RNF157: variants seen among roughly 807,000 people sequenced by gnomAD.
RNF157 encodes the protein E3 ubiquitin ligase RNF157.
RNF157 carries 55 observed loss-of-function variants against 88.3 expected under a neutral mutation model. That is an observed-to-expected ratio of 0.62 (90% CI 0.50 to 0.78). The LOEUF is 0.78. RNF157 is among the 30% of genes least tolerant of loss of function. RNF157 has a pLI of 0.00. For missense variants in RNF157, 788 were observed against 860.8 expected (o/e 0.92, Z 1.06); for synonymous variants, 334 against 341.2 (o/e 0.98, Z 0.23).
chr17:76,220,032 A>C (rs1202974662), intron 1 of RNF157, among the ~76,000 whole-genome samples: 1 of 152,216 alleles, frequency 6.6e-6, no homozygotes, highest in African/African-American at 2.4e-5. Flanking sequence ...CTTTACAAAC[A>C]ATGTTTCCTA....
At position 76,164,787 on chromosome 17, in the gene RNF157, A is replaced by G; in HGVS notation, c.681T>C (p.Asp227=). Residue 227 remains aspartate (D), a synonymous_variant, in exon 8 of 19, where the codon GAT becomes GAC. Coordinates refer to ENST00000269391, the MANE Select transcript of RNF157 (RefSeq NM_052916.3). ...VLLGTFEKHT[D]GTFCVKPLKQ... ...TGAGGGGCTTGACACAGAAAGTTCCATCTGTGTGCTGGAATGAAAATATGA... is the reference window on the plus strand; with the variant it reads ...TGAGGGGCTTGACACAGAAAGTTCCGTCTGTGTGCTGGAATGAAAATATGA... The G allele has an allele frequency of 6.2e-7, 1 of 1,611,056 alleles. No homozygotes were observed. The highest frequency in any genetic ancestry group is 8.5e-7 in the Non-Finnish European group (1 of 1,177,418).
intron 1 of RNF157, chr17:76,226,324 T>C (rs1193972984): frequency 1.9e-6 from 3 of 1,604,566 alleles, no homozygotes; most frequent in South Asian, 1.1e-5. Context: ...GGGGAAGAAG[T>C]TGCAAGAAGG....
At chr17:76,238,039 GCAC>G (rs1427060203) in intron 1 of RNF157, among the ~76,000 whole-genome samples, 1 of 149,118 alleles carries the variant, frequency 6.7e-6, no homozygotes, top group Non-Finnish European at 1.5e-5. Context: ...AGCCAATATT[GCAC>G]CACTTCATTC....
intron 2 of RNF157, among the ~76,000 whole-genome samples, chr17:76,178,494 C>T (rs763912756): frequency 4.6e-5 from 7 of 152,204 alleles, no homozygotes; most frequent in East Asian, 1.9e-4. Context: ...CCCTTGGAGG[C>T]GTGGGATATA....
At position 76,176,635 on chromosome 17, in the gene RNF157, C is replaced by A. The variant is rs2069106957; in HGVS notation, c.208-2845G>T. Among the ~76,000 whole-genome samples the A allele has an allele frequency of 6.6e-6, 1 of 152,166 alleles. No individual in the cohort carries two copies. The highest frequency in any genetic ancestry group is 6.5e-5 in the Admixed American group (1 of 15,292). On this transcript the variant is annotated intron_variant, in intron 2 of 18. Coordinates refer to ENST00000269391, the MANE Select transcript of RNF157 (RefSeq NM_052916.3). The surrounding 1 kb of genome is among the most constrained non-coding windows in gnomAD (Gnocchi z 4.2). The stretch of plus-strand genomic sequence containing the variant: ...GGTCGCAGGGAGCAGACAGACAGCC[C>A]CTCCACAGCTTGCCGCCCTGGAGGC...
At chr17:76,152,311 G>T in intron 18 of RNF157, 44 bp downstream of exon 18, 1 of 1,233,212 alleles carries the variant, frequency 8.1e-7, no homozygotes, top group Non-Finnish European at 1.2e-6. Flanking sequence ...AAGAGCACAG[G>T]GATCGTCTCC....
intron 2 of RNF157, among the ~76,000 whole-genome samples, chr17:76,210,509 G>C (rs1243549970): frequency 6.7e-6 from 1 of 148,224 alleles, no homozygotes; most frequent in Non-Finnish European, 1.5e-5. Flanking sequence ...AGAATGGCGT[G>C]AACCCGGGAG....
chr17:76,195,005 ACT>A lies in RNF157; in HGVS notation c.207+17357_207+17358del, dbSNP rs1272832244. Among the ~76,000 whole-genome samples the A allele has an allele frequency of 2.0e-5, 3 of 152,084 alleles. No individual in the cohort carries two copies. Among genetic ancestry groups the A allele is most frequent in the African/African-American group, 4.8e-5 (2 of 41,394 alleles). On this transcript the variant is annotated intron_variant, in intron 2 of 18. Transcript: ENST00000269391. This position sits in a 1 kb window ranked among gnomAD's most constrained non-coding sequence, Gnocchi z 4.4. ...ACTCCAGCCTGGGTGACAGAGCGAG[ACT>A]CTGTCTCAAAAAAACAAAACAAAAC...
At chr17:76,193,578 T>C (rs1242378246) in intron 2 of RNF157, among the ~76,000 whole-genome samples, 2 of 141,460 alleles carry the variant, frequency 1.4e-5, no homozygotes, top group East Asian at 2.4e-4. Context: ...GTTTCTACCA[T>C]AGTGACTGAA....
At chr17:76,154,893 G>T (rs1308477989) in intron 16 of RNF157, among the ~76,000 whole-genome samples, 1 of 152,166 alleles carries the variant, frequency 6.6e-6, no homozygotes, top group Admixed American at 6.5e-5. Context: ...GGTCTGTATA[G>T]GTCTATATGT....
intron 1 of RNF157, among the ~76,000 whole-genome samples, chr17:76,219,591 A>G (rs1255854636): frequency 6.6e-6 from 1 of 152,160 alleles, no homozygotes; most frequent in Non-Finnish European, 1.5e-5. Flanking sequence ...GCATTGCTTT[A>G]TGTATCTACC....
chr17:76,148,912 T>C lies in RNF157; in HGVS notation c.1921+3443A>G, dbSNP rs185237075. On this transcript the variant is annotated intron_variant, in intron 18 of 18. Transcript: ENST00000269391. ...ATCACTGACTACCCCAGGGCCTTCA[T>C]AGAACTATCACTTGCCACGATGACT... is the stretch of plus-strand genomic sequence containing the variant. 6.2e-4 allele frequency among the ~76,000 whole-genome samples: 94 copies of C among 152,296 alleles called. 1 individual carries two copies. Among genetic ancestry groups the C allele is most frequent in the Non-Finnish European group, 1.2e-3 (82 of 68,024 alleles).
chr17:76,143,145 G>A lies in RNF157; in HGVS notation c.*2090C>T, dbSNP rs1340044133. The A allele has an allele frequency of 6.6e-6, 1 of 152,360 alleles. No individual in the cohort carries two copies. The highest frequency in any genetic ancestry group is 6.5e-5 in the Admixed American group (1 of 15,282). The allele number at this position is 152,360 out of a possible 1,614,324, so 9.4% of individuals were successfully genotyped here. A position where few individuals can be genotyped will look rare whatever the true frequency, so the allele number is the denominator to read the frequency against. ...GAGGAAGAGGAGAAATAGTAACTGA[G>A]AAACAAGTAAAGGACATTTCTAACC... On this transcript the variant is annotated 3_prime_UTR_variant, in exon 19 of 19. Transcript: ENST00000269391.
intron 1 of RNF157, among the ~76,000 whole-genome samples, chr17:76,239,527 T>C (rs2070337360): frequency 6.6e-6 from 1 of 151,038 alleles, no homozygotes; most frequent in Admixed American, 6.6e-5. Flanking sequence ...TCTGTTACTT[T>C]CCACCACCAC....
chr17:76,154,217 AC>A, intron 17 of RNF157, 65 bp downstream of exon 17: 1 of 1,177,040 alleles, frequency 8.5e-7, no homozygotes, highest in Non-Finnish European at 1.3e-6. Flanking sequence ...CCTTTTCTTT[AC>A]CCCTTAAAGA....
chr17:76,218,392 G>A lies in RNF157; in HGVS notation c.89-5910C>T, dbSNP rs918862883. ...CCAGTGGCTCACGCCTGCAATCCCA[G>A]TACTTTGGGAGGCCAAGGCAGGAGG... On this transcript the variant is annotated intron_variant, in intron 1 of 18. Coordinates refer to ENST00000269391, the MANE Select transcript of RNF157 (RefSeq NM_052916.3). Among the ~76,000 whole-genome samples, 4 of 152,198 alleles carry A rather than the reference G, an allele frequency of 2.6e-5. No homozygotes were observed. The East Asian group carries it at 7.7e-4, about 29-fold the overall frequency.
At chr17:76,190,638 G>A (rs1048313860) in intron 2 of RNF157, among the ~76,000 whole-genome samples, 44 of 151,130 alleles carry the variant, frequency 2.9e-4, no homozygotes, top group Admixed American at 2.1e-3. Flanking sequence ...AATAGTTTAC[G>A]GCCGGGCGTG....
intron 1 of RNF157, among the ~76,000 whole-genome samples, chr17:76,239,627 G>A (rs1230559979): frequency 6.9e-6 from 1 of 145,556 alleles, no homozygotes; most frequent in Admixed American, 7.4e-5. Flanking sequence ...AGCAGGCAAT[G>A]GAAGCTTTTC....
intron 1 of RNF157, among the ~76,000 whole-genome samples, chr17:76,224,963 G>C (rs1223976617): frequency 6.6e-6 from 1 of 152,102 alleles, no homozygotes; most frequent in African/African-American, 2.4e-5. Flanking sequence ...CTTGAGGTCA[G>C]GAGTTCGAGA....
Sources: allele counts gnomAD v4.1 joint callset (sites outside exome capture counted in the v4.1 genomes callset), GRCh38; gene constraint gnomAD v4.1.1; non-coding constraint Gnocchi (gnomAD v3.1); transcripts MANE v1.5; gene names NCBI Gene and HGNC (gene_info 2026-07-23, HGNC 2026-07-21).